ZNF606: variants seen among roughly 807,000 people sequenced by gnomAD.
The protein encoded by ZNF606 is zinc finger protein 606.
In ZNF606, 37 loss-of-function variants were observed where a neutral mutation model predicts 74.9. The observed-to-expected ratio is 0.49, with a 90% CI of 0.38 to 0.65. The LOEUF (loss-of-function observed/expected upper bound fraction) is 0.65, where lower values mean the gene tolerates loss of function less well. ZNF606 is among the 30% of genes least tolerant of loss of function. ZNF606 has a pLI of 0.00. For missense variants in ZNF606, 852 were observed against 952.9 expected (o/e 0.89, Z 1.39); for synonymous variants, 328 against 312.4 (o/e 1.05, Z -0.53).
At chr19:57,980,590 C>T (rs191927112) in intron 6 of ZNF606, among the ~76,000 whole-genome samples, 1 of 152,204 alleles carries the variant, frequency 6.6e-6, no homozygotes, top group Admixed American at 6.5e-5. Flanking sequence ...AATCCCAGCA[C>T]TTTGGGAGGC....
upstream of ZNF606, chr19:58,002,821 G>T (rs1349877940): frequency 4.5e-6 from 2 of 448,600 alleles, no homozygotes; most frequent in Non-Finnish European, 8.9e-6. Context: ...GGCGTCGACC[G>T]GAGCGCGCCG....
Position 57,979,554 on chromosome 19 carries a change from C to T in ZNF606, c.1126G>A (p.Glu376Lys). The T allele has an allele frequency of 6.2e-7, 1 of 1,612,866 alleles. No homozygotes were observed. The highest frequency in any genetic ancestry group is 8.5e-7 in the Non-Finnish European group (1 of 1,179,444). Reference protein sequence around the residue: ...GTVEKAYKYNEWEKVFGYDSF... With the variant: ...GTVEKAYKYNKWEKVFGYDSF... ...TCATACCCAAAGACTTTCTCCCATT[C>T]ATTGTATTTATACGCTTTCTCTACA... The change falls in exon 7 of 7, where the codon GAA (glutamate) becomes AAA (lysine). Residue 376 changes from glutamate to lysine, a missense_variant. Glu to Lys is a moderately conservative substitution (Grantham distance 56). This residue lies in a region of ZNF606 where 545 missense variants were observed against 542.5 expected (regional missense o/e 1.00). Transcript: ENST00000551380.
chr19:57,980,686 T>C (rs1293488598), intron 6 of ZNF606, among the ~76,000 whole-genome samples: 1 of 151,878 alleles, frequency 6.6e-6, no homozygotes, highest in Non-Finnish European at 1.5e-5. Context: ...ATACAAAAAA[T>C]TAGCCAGGTG....
chr19:57,996,213 G>T (rs531873603), intron 4 of ZNF606, among the ~76,000 whole-genome samples: 1 of 152,334 alleles, frequency 6.6e-6, no homozygotes, highest in East Asian at 1.9e-4. Context: ...CTCAAGGATG[G>T]TAAGGGGACT....
At chr19:57,991,912 G>A (rs2073267699) in intron 4 of ZNF606, among the ~76,000 whole-genome samples, 2 of 152,128 alleles carry the variant, frequency 1.3e-5, no homozygotes, top group African/African-American at 2.4e-5. Flanking sequence ...GATGGCCCAG[G>A]GTGCCTCTGA....
intron 1 of ZNF606, chr19:58,002,024 C>A: frequency 2.7e-6 from 1 of 375,512 alleles, no homozygotes; most frequent in South Asian, 2.0e-5. Context: ...AGTCAGCAAC[C>A]TCTCGAATGG....
upstream of ZNF606, chr19:58,002,847 G>A: frequency 2.3e-6 from 1 of 441,734 alleles, no homozygotes; most frequent in Non-Finnish European, 4.5e-6. Context: ...TCTGCTGGGA[G>A]CTGTAGTTCC....
upstream of ZNF606, chr19:58,002,833 G>C (rs1194837287): frequency 6.7e-6 from 3 of 446,210 alleles, no homozygotes; most frequent in African/African-American, 6.1e-5. Context: ...AGCGCGCCGC[G>C]GGGTCTGCTG....
rs1453965784 is a variant in ZNF606, at chr19:57,979,077, T to C, written c.1603A>G (p.Thr535Ala). 6.2e-7 allele frequency: 1 copy of C among 1,614,052 alleles called. No homozygotes were observed. Among genetic ancestry groups the C allele is most frequent in the African/African-American group, 1.3e-5 (1 of 74,922 alleles). ...SHLIAHMRMH[T>A]GEKPFKCDEC... ...TCACATTTAAAGGGTTTCTCTCCAG[T>C]ATGCATTCTCATATGGGCAATAAGA... is the stretch of plus-strand genomic sequence containing the variant. Residue 535 changes from threonine (T) to alanine (A), a missense_variant, in exon 7 of 7, where the codon ACT becomes GCT. Thr to Ala is a moderately conservative substitution (Grantham distance 58). Around this residue, in one of 3 missense-constraint regions of ZNF606, gnomAD observed 243 missense variants for 359.2 expected, o/e 0.68. Transcript: ENST00000551380.
intron 3 of ZNF606, 64 bp from the exon 4 acceptor site, chr19:57,999,960 G>A (rs1271636512): frequency 2.0e-6 from 3 of 1,514,046 alleles, no homozygotes; most frequent in South Asian, 2.3e-5. Context: ...TTTTCTTCTG[G>A]GGGGCTGAGA....
intron 5 of ZNF606, 52 bp from the exon 6 acceptor site, chr19:57,988,354 C>A: frequency 6.4e-7 from 1 of 1,557,242 alleles, no homozygotes; most frequent in Non-Finnish European, 8.8e-7. Flanking sequence ...TCAGGACAGC[C>A]AAAGAAAGCT....
intron 4 of ZNF606, among the ~76,000 whole-genome samples, chr19:57,993,530 C>T (rs951337879): frequency 2.0e-5 from 3 of 152,248 alleles, no homozygotes; most frequent in Middle Eastern, 6.8e-3. Context: ...GTGCTTCCTG[C>T]AAGAGGACTC....
intron 1 of ZNF606, 57 bp from the exon 2 acceptor site, chr19:58,001,427 G>A: frequency 1.4e-6 from 2 of 1,403,378 alleles, no homozygotes; most frequent in Non-Finnish European, 2.0e-6. Context: ...AGACCAAGTG[G>A]GAACAAAGAA....
intron 6 of ZNF606, among the ~76,000 whole-genome samples, chr19:57,983,412 T>TA (rs946684733): frequency 2.6e-5 from 4 of 151,538 alleles, no homozygotes; most frequent in African/African-American, 7.3e-5. Context: ...CCGTCTCTAC[T>TA]AAAAAAATAC....
chr19:57,977,766 T>G lies in ZNF606; in HGVS notation c.*535A>C, dbSNP rs2073012402. On this transcript the variant is annotated 3_prime_UTR_variant, in exon 7 of 7. Transcript: ENST00000551380. ...GTAAATACCCCATTCAATACTATTA[T>G]TTTTCTTACATTCAGATTTAGCACT... 6.6e-6 allele frequency: 1 copy of G among 152,302 alleles called. No individual in the cohort carries two copies. The highest frequency in any genetic ancestry group is 1.5e-5 in the Non-Finnish European group (1 of 68,126). 9.4% of individuals were successfully genotyped at this position (152,302 alleles called of 1,614,324 possible).
At position 57,984,701 on chromosome 19, in the gene ZNF606, A is replaced by C. The variant is rs76374607; in HGVS notation, c.400+3506T>G. On this transcript the variant is annotated intron_variant, in intron 6 of 6. Transcript: ENST00000551380. ...ATTACCTGAGGCAGAATGTCAGTGA[A>C]AATGGCCAAGTAAAGACATGTAAAA... Among the ~76,000 whole-genome samples the C allele has an allele frequency of 9.4e-4, 143 of 152,374 alleles. 3 individuals are homozygous for C. In the East Asian group the frequency reaches 0.027, roughly 29 times the overall value.
chr19:57,988,271 G>C lies in ZNF606; in HGVS notation c.336C>G (p.Ser112=). The C allele has an allele frequency of 6.2e-7, 1 of 1,614,030 alleles. No individual in the cohort carries two copies. Among genetic ancestry groups the C allele is most frequent in the South Asian group, 1.1e-5 (1 of 91,072 alleles). The change falls in exon 6 of 7, where the codon TCC becomes TCG. Residue 112 remains serine, a synonymous_variant. Transcript: ENST00000551380. ...GNQIAKPEVI[S]LLEQGEEPWS... is the part of the protein sequence containing the mutation. Reference sequence around the variant, plus strand: ...ACGGCTCTTCTCCTTGCTCCAACAGGGAGATGACCTCAGGCTTGGCAATCT... The same window carrying C: ...ACGGCTCTTCTCCTTGCTCCAACAGCGAGATGACCTCAGGCTTGGCAATCT...
chr19:57,989,855 T>C (rs2073225888), intron 4 of ZNF606, among the ~76,000 whole-genome samples: 1 of 149,656 alleles, frequency 6.7e-6, no homozygotes, highest in African/African-American at 2.5e-5. Flanking sequence ...GATGAGACCA[T>C]CCTGGCCAAC....
chr19:57,993,606 G>C (rs1028040865), intron 4 of ZNF606, among the ~76,000 whole-genome samples: 1 of 152,214 alleles, frequency 6.6e-6, no homozygotes, highest in Admixed American at 6.5e-5. Flanking sequence ...GCACAGCTTT[G>C]CAAGTGCCTG....
Sources: gnomAD v4.1 joint callset for allele counts (sites outside exome capture counted in the v4.1 genomes callset) on GRCh38, gnomAD v4.1.1 for gene constraint, gnomAD v4.1.1 regional missense constraint, MANE v1.5 for transcripts, NCBI Gene and HGNC (gene_info 2026-07-23, HGNC 2026-07-21) for gene names.